Variants in CORIN observed in about 807,000 individuals in gnomAD.
CORIN encodes atrial natriuretic peptide-converting enzyme.
In CORIN, 117 loss-of-function variants were observed where a neutral mutation model predicts 125.3. The ratio of observed to expected loss-of-function variants is 0.93; its 90% CI spans 0.80 to 1.09. The LOEUF (loss-of-function observed/expected upper bound fraction) is 1.09. Among genes scored for constraint, CORIN ranks in the 50% least tolerant of loss-of-function variants. The pLI, the probability that CORIN is intolerant of heterozygous loss-of-function variation, is 0.00. For missense variants in CORIN, 1,253 were observed against 1,306.7 expected (o/e 0.96, Z 0.63); for synonymous variants, 450 against 466.4 (o/e 0.96, Z 0.45).
chr4:47,704,898 C>A (rs552641141), intron 5 of CORIN, among the ~76,000 whole-genome samples: 1 of 152,078 alleles, frequency 6.6e-6, no homozygotes, highest in Non-Finnish European at 1.5e-5. Flanking sequence ...CCATATCACA[C>A]GATGGCAGCC....
chr4:47,612,864 T>C (rs1270746540), intron 19 of CORIN, among the ~76,000 whole-genome samples: 1 of 152,142 alleles, frequency 6.6e-6, no homozygotes, highest in Non-Finnish European at 1.5e-5. Flanking sequence ...CCCTCAAATA[T>C]GATAGAAAGC....
At chr4:47,725,976 G>C (rs1170399238) in intron 5 of CORIN, among the ~76,000 whole-genome samples, 6 of 152,004 alleles carry the variant, frequency 3.9e-5, no homozygotes, top group Non-Finnish European at 7.4e-5. Flanking sequence ...CTTCATAAAG[G>C]TGATATTCCG....
rs566361998 is a variant in CORIN at position 47,681,469 on chromosome 4, A to G, written c.1022-1218T>C. On this transcript the variant is annotated intron_variant, in intron 7 of 21. Transcript: ENST00000273857. ...GCCTGTTAAGACCATTTTTTCTCAC[A>G]TGCTACCTGCATGCTGGCCCTCTCC... The G allele has an allele frequency of 5.9e-5, 9 of 152,264 alleles. No individual in the cohort carries two copies. The East Asian group carries it at 1.7e-3, about 29-fold the overall frequency. 9.4% of individuals were successfully genotyped at this position (152,264 alleles called of 1,614,324 possible).
rs1219555317 is a variant in CORIN at position 47,632,757 on chromosome 4, A to AGATAGATAGAT, written c.2199-6237_2199-6236insATCTATCTATC. On this transcript the variant is annotated intron_variant, in intron 16 of 21. Coordinates refer to ENST00000273857, the MANE Select transcript of CORIN (RefSeq NM_006587.4). ...TAGATAGATAGATAGATAGATAGAT[A>AGATAGATAGAT]GATAGATAGAGATAGATAGTTAGAT... is the stretch of plus-strand genomic sequence containing the variant. Among the ~76,000 whole-genome samples, 1,184 of 136,902 alleles carry AGATAGATAGAT rather than the reference A, an allele frequency of 8.6e-3. 19 individuals are homozygous for AGATAGATAGAT. The highest frequency in any genetic ancestry group is 0.022 in the East Asian group (112 of 4,982). 89.8% of individuals were successfully genotyped at this position (136,902 alleles called of 152,430 possible). A position where few individuals can be genotyped will look rare whatever the true frequency, so the allele number is the denominator to read the frequency against.
In CORIN at chr4:47,665,270, A is replaced by G. The variant is rs1724432336; in HGVS notation, c.1358-7T>C. 3 of 1,581,946 alleles carry G rather than the reference A, an allele frequency of 1.9e-6. No homozygotes were observed. The East Asian group carries it at 6.7e-5, about 35-fold the overall frequency. Reference sequence around the variant, plus strand: ...GTAATTGGTTCACATTGACCTAACAAAGAAACATACACACAAATATTTTTA... The same window carrying G: ...GTAATTGGTTCACATTGACCTAACAGAGAAACATACACACAAATATTTTTA... On this transcript the variant is annotated splice_polypyrimidine_tract_variant and splice_region_variant and intron_variant, in intron 10 of 21. Transcript: ENST00000273857.
intron 3 of CORIN, among the ~76,000 whole-genome samples, chr4:47,768,719 A>G (rs1490235828): frequency 6.6e-6 from 1 of 152,254 alleles, no homozygotes; most frequent in African/African-American, 2.4e-5. Flanking sequence ...AATGAAAGAC[A>G]AAAGCCATAC....
At chr4:47,768,729 C>T (rs1452324464) in intron 3 of CORIN, among the ~76,000 whole-genome samples, 2 of 152,080 alleles carry the variant, frequency 1.3e-5, no homozygotes, top group East Asian at 1.9e-4. Flanking sequence ...AAAAGCCATA[C>T]GACCATCTCA....
At chr4:47,641,127 G>A (rs977495050) in intron 16 of CORIN, among the ~76,000 whole-genome samples, 2 of 152,130 alleles carry the variant, frequency 1.3e-5, no homozygotes, top group African/African-American at 4.8e-5. Context: ...GCTGCTAGTT[G>A]CTATCCCATA....
At chr4:47,621,372 A>G (rs962365906) in intron 19 of CORIN, among the ~76,000 whole-genome samples, 21 of 152,124 alleles carry the variant, frequency 1.4e-4, no homozygotes, top group Admixed American at 4.6e-4. Context: ...ATCTACTGTC[A>G]GACTTCAGAT....
chr4:47,698,965 A>G (rs1414345434), intron 5 of CORIN, among the ~76,000 whole-genome samples: 1 of 152,256 alleles, frequency 6.6e-6, no homozygotes, highest in Non-Finnish European at 1.5e-5. Context: ...TGGACTGCAT[A>G]GCCTGGACGT....
chr4:47,731,356 G>C (rs976607707), intron 5 of CORIN, among the ~76,000 whole-genome samples: 1 of 152,182 alleles, frequency 6.6e-6, no homozygotes, highest in Non-Finnish European at 1.5e-5. Flanking sequence ...ATGTGGGCTA[G>C]AGATCCGCAT....
intron 6 of CORIN, among the ~76,000 whole-genome samples, chr4:47,691,269 T>C (rs145577868): frequency 6.6e-6 from 1 of 152,186 alleles, no homozygotes; most frequent in Non-Finnish European, 1.5e-5. Flanking sequence ...AATGGGAGAA[T>C]AGCTAGAGAT....
At chr4:47,620,579 G>A (rs374955056) in intron 19 of CORIN, among the ~76,000 whole-genome samples, 4 of 152,168 alleles carry the variant, frequency 2.6e-5, no homozygotes, top group East Asian at 3.8e-4. Context: ...GTTACCTTAA[G>A]GATGATCAGG....
chr4:47,662,009 G>A (rs1179867089), intron 11 of CORIN, 153 bp from the exon 12 acceptor site: 5 of 682,906 alleles, frequency 7.3e-6, no homozygotes, highest in Non-Finnish European at 1.1e-5. Context: ...TAGGTATTTG[G>A]GAAACCAAAA....
At chr4:47,755,141 C>G (rs1729078146) in intron 4 of CORIN, among the ~76,000 whole-genome samples, 1 of 152,080 alleles carries the variant, frequency 6.6e-6, no homozygotes, top group African/African-American at 2.4e-5. Context: ...GTTTAAATAC[C>G]TCCAGTAATA....
chr4:47,699,873 C>T (rs1726209391), intron 5 of CORIN, among the ~76,000 whole-genome samples: 1 of 152,172 alleles, frequency 6.6e-6, no homozygotes, highest in South Asian at 2.1e-4. Context: ...TAATCTTCCC[C>T]ACTGGCCTGT....
intron 2 of CORIN, among the ~76,000 whole-genome samples, chr4:47,791,573 C>T (rs1474320037): frequency 6.6e-6 from 1 of 152,104 alleles, no homozygotes; most frequent in Non-Finnish European, 1.5e-5. Flanking sequence ...TATAATTAAT[C>T]GTTTGACAGA....
intron 1 of CORIN, among the ~76,000 whole-genome samples, chr4:47,829,987 T>A (rs916819944): frequency 6.6e-6 from 1 of 152,236 alleles, no homozygotes; most frequent in Non-Finnish European, 1.5e-5. Context: ...CCCTTTCTGA[T>A]GATGCTTGAC....
At chr4:47,804,772 T>C (rs1372502808) in intron 2 of CORIN, among the ~76,000 whole-genome samples, 1 of 150,888 alleles carries the variant, frequency 6.6e-6, no homozygotes, top group Non-Finnish European at 1.5e-5. Context: ...AAATTATGTA[T>C]AGTTAGAAAG....
Sources: gnomAD v4.1 joint callset for allele counts (sites outside exome capture counted in the v4.1 genomes callset) on GRCh38, gnomAD v4.1.1 for gene constraint, MANE v1.5 for transcripts, NCBI Gene and HGNC (gene_info 2026-07-23, HGNC 2026-07-21) for gene names.